PCDHGA7: variants seen among roughly 807,000 people sequenced by gnomAD.
The protein encoded by PCDHGA7 is protocadherin gamma subfamily A, 7.
Under a neutral mutation model 58.3 loss-of-function variants are expected in PCDHGA7, and 44 were observed. The observed-to-expected ratio is 0.75, with a 90% CI of 0.59 to 0.97. The LOEUF is 0.97. Among genes scored for constraint, PCDHGA7 ranks in the 50% least tolerant of loss-of-function variants. The pLI, the probability that PCDHGA7 is intolerant of heterozygous loss-of-function variation, is 0.00. For synonymous variants in PCDHGA7, 516 were observed against 504.2 expected, an observed-to-expected ratio of 1.02 and a Z score of -0.31; for missense variants, 1,266 against 1,188.7, an observed-to-expected ratio of 1.06 and a Z score of -0.96.
Position 141,490,089 on chromosome 5 carries a change from C to G in PCDHGA7, c.2425-4718C>G. On this transcript the variant is annotated intron_variant, in intron 1 of 3. Transcript: ENST00000518325. This position sits in a 1 kb window ranked among gnomAD's most constrained non-coding sequence, Gnocchi z 5.4. ...GCCAACTAGACTATTCTTTTGGAGACCACACATCTGAGGCAGTGCGGAACC... is the reference window on the plus strand; with the variant it reads ...GCCAACTAGACTATTCTTTTGGAGAGCACACATCTGAGGCAGTGCGGAACC... 1 of 1,614,232 alleles carries G rather than the reference C, an allele frequency of 6.2e-7. No homozygotes were observed. The highest frequency in any genetic ancestry group is 8.5e-7 in the Non-Finnish European group (1 of 1,180,026).
At position 141,414,031 on chromosome 5, in the gene PCDHGA7, C is replaced by G. The variant is rs900884760; in HGVS notation, c.2424+28708C>G. The G allele has an allele frequency of 1.2e-6, 2 of 1,611,740 alleles. No homozygotes were observed. The highest frequency in any genetic ancestry group is 2.7e-5 in the African/African-American group (2 of 74,762). On this transcript the variant is annotated intron_variant, in intron 1 of 3. Coordinates refer to ENST00000518325, the MANE Select transcript of PCDHGA7 (RefSeq NM_018920.4). ...CAATGGAGAAGTGACATATTCATTC[C>G]GAAAATTACCTGACACGCAATTGTT... is the stretch of plus-strand genomic sequence containing the variant.
intron 1 of PCDHGA7, among the ~76,000 whole-genome samples, chr5:141,445,953 T>C (rs550111391): frequency 2.0e-4 from 31 of 152,308 alleles, no homozygotes; most frequent in Middle Eastern, 3.4e-3. Flanking sequence ...CTCTGGCTGC[T>C]ATATGGAGAA....
chr5:141,392,570 AG>A (rs1561637414), intron 1 of PCDHGA7: 1 of 443,018 alleles, frequency 2.3e-6, no homozygotes, highest in East Asian at 3.6e-5. Context: ...GTAACTATTT[AG>A]GACTGTAAGC....
chr5:141,409,670 T>C lies in PCDHGA7; in HGVS notation c.2424+24347T>C, dbSNP rs2095300697. 1.9e-6 allele frequency: 3 copies of C among 1,613,486 alleles called. No homozygotes were observed. In the East Asian group the frequency reaches 6.7e-5, roughly 36 times the overall value. ...GGGGCTCAATGGCCACATCTCCTACTCTATAGTGGCGAGTGACCTAGAGCC... is the reference window on the plus strand; with the variant it reads ...GGGGCTCAATGGCCACATCTCCTACCCTATAGTGGCGAGTGACCTAGAGCC... On this transcript the variant is annotated intron_variant, in intron 1 of 3. Transcript: ENST00000518325.
intron 1 of PCDHGA7, chr5:141,404,230 C>T: frequency 6.2e-7 from 1 of 1,613,836 alleles, no homozygotes; most frequent in Non-Finnish European, 8.5e-7. Context: ...CTGCAACAGA[C>T]AGAGGAACTC....
In PCDHGA7 at chr5:141,383,563, C is replaced by A; in HGVS notation, c.664C>A (p.Arg222=). Residue 222 remains arginine, a synonymous_variant, in exon 1 of 4, where the codon CGA becomes AGA. Transcript: ENST00000518325. Reference sequence around the variant, plus strand: ...AGCCTCTGATGGCGGCGACCCGCCCCGATCCAGCACCGCCCACATCCAGGT... The same window carrying A: ...AGCCTCTGATGGCGGCGACCCGCCCAGATCCAGCACCGCCCACATCCAGGT... ...LTASDGGDPP[R]SSTAHIQVTV... is the part of the protein sequence containing the mutation. 2 of 1,613,150 alleles carry A rather than the reference C, an allele frequency of 1.2e-6. No homozygotes were observed. The highest frequency in any genetic ancestry group is 1.7e-6 in the Non-Finnish European group (2 of 1,179,666).
At position 141,423,009 on chromosome 5, in the gene PCDHGA7, G is replaced by A. The variant is rs371209178; in HGVS notation, c.2424+37686G>A. 28 of 1,614,222 alleles carry A rather than the reference G, an allele frequency of 1.7e-5. No individual in the cohort carries two copies. The East Asian group carries it at 4.9e-4, about 28-fold the overall frequency. On this transcript the variant is annotated intron_variant, in intron 1 of 3. Transcript: ENST00000518325. ...GCTACCTGGTGACCAAGGTGGTTGC[G>A]GTGGACAAAGATTCAGGCCAGAACG...
intron 1 of PCDHGA7, chr5:141,428,269 C>T (rs1326212294): frequency 1.3e-6 from 1 of 777,738 alleles, no homozygotes; most frequent in Non-Finnish European, 2.2e-6. Flanking sequence ...CAGTCCTGTG[C>T]CCTCTGATTC....
chr5:141,427,220 T>G (rs1487350481), intron 1 of PCDHGA7: 1 of 456,710 alleles, frequency 2.2e-6, no homozygotes, highest in East Asian at 6.9e-5. Flanking sequence ...TTCGTAGCAG[T>G]TATACCATGA....
intron 1 of PCDHGA7, chr5:141,409,468 C>T (rs1256188577): frequency 1.9e-6 from 3 of 1,613,948 alleles, no homozygotes; most frequent in Admixed American, 1.7e-5. Flanking sequence ...ATGTCACCAT[C>T]GTAGCCACTG....
Position 141,476,416 on chromosome 5 carries a change from A to G in PCDHGA7, c.2425-18391A>G. On this transcript the variant is annotated intron_variant, in intron 1 of 3. Coordinates refer to ENST00000518325, the MANE Select transcript of PCDHGA7 (RefSeq NM_018920.4). The surrounding 1 kb of genome is among the most constrained non-coding windows in gnomAD (Gnocchi z 7.6). ...TGGATCGAGAGGAGCTGTGTGGGAC[A>G]CTGCCCTCTTGCACTGTAACTCTGG... 1 of 1,614,056 alleles carries G rather than the reference A, an allele frequency of 6.2e-7. No individual in the cohort carries two copies. The highest frequency in any genetic ancestry group is 8.5e-7 in the Non-Finnish European group (1 of 1,179,994).
intron 1 of PCDHGA7, among the ~76,000 whole-genome samples, chr5:141,457,931 T>G (rs1335457669): frequency 6.6e-6 from 1 of 152,184 alleles, no homozygotes; most frequent in Non-Finnish European, 1.5e-5. Context: ...CCAAGGGGCT[T>G]TTATTGGCTC....
chr5:141,419,243 C>T (rs959206942), intron 1 of PCDHGA7: 2 of 1,613,998 alleles, frequency 1.2e-6, no homozygotes, highest in East Asian at 4.5e-5. Flanking sequence ...GGTCCACGTG[C>T]CAGAAAACAA....
At chr5:141,415,002 C>T in intron 1 of PCDHGA7, 2 of 1,613,668 alleles carry the variant, frequency 1.2e-6, no homozygotes, top group East Asian at 2.2e-5. Flanking sequence ...CCTGGCTGTC[C>T]TACCGTCTGC....
chr5:141,398,107 A>C, intron 1 of PCDHGA7: 1 of 1,595,524 alleles, frequency 6.3e-7, no homozygotes, highest in Non-Finnish European at 8.5e-7. Flanking sequence ...GCTGGTGAGC[A>C]AGCTGAGGAG....
Position 141,384,011 on chromosome 5 carries a change from T to C in PCDHGA7, c.1112T>C (p.Leu371Pro). The part of the protein sequence containing the change: ...PLGTVIALFY[L>P]QDRDSGKNGE... ...GGGACAGTCATTGCTCTTTTCTACC[T>C]ACAAGACAGAGATTCTGGAAAGAAT... is the stretch of plus-strand genomic sequence containing the variant. Residue 371 changes from leucine (L) to proline (P), a missense_variant, in exon 1 of 4, where the codon CTA becomes CCA. Physicochemically the swap from Leu to Pro is moderately conservative, Grantham distance 98 (BLOSUM62 -3). Coordinates refer to ENST00000518325, the MANE Select transcript of PCDHGA7 (RefSeq NM_018920.4). 1 of 1,613,766 alleles carries C rather than the reference T, an allele frequency of 6.2e-7. No individual in the cohort carries two copies. The highest frequency in any genetic ancestry group is 8.5e-7 in the Non-Finnish European group (1 of 1,179,780).
chr5:141,409,546 C>T lies in PCDHGA7; in HGVS notation c.2424+24223C>T, dbSNP rs775680397. 19 of 1,613,880 alleles carry T rather than the reference C, an allele frequency of 1.2e-5. No individual in the cohort carries two copies. The South Asian group carries it at 2.0e-4, about 17-fold the overall frequency. ...TGTATGTCGCTGACATCAACGACAA[C>T]GCCCCAGTTTTCGACCAGACGTCCT... On this transcript the variant is annotated intron_variant, in intron 1 of 3. Coordinates refer to ENST00000518325, the MANE Select transcript of PCDHGA7 (RefSeq NM_018920.4).
intron 1 of PCDHGA7, chr5:141,421,399 C>G: frequency 4.3e-6 from 7 of 1,614,046 alleles, no homozygotes; most frequent in Non-Finnish European, 5.1e-6. Context: ...GCTGGAGCCC[C>G]GGGAGCTGGC....
intron 1 of PCDHGA7, among the ~76,000 whole-genome samples, chr5:141,429,706 T>G (rs191069331): frequency 7.6e-4 from 116 of 152,354 alleles, no homozygotes; most frequent in African/African-American, 2.5e-3. Flanking sequence ...ACAGTATAAA[T>G]ATTTACGCTC....
Sources: gnomAD v4.1 joint callset for allele counts (sites outside exome capture counted in the v4.1 genomes callset) on GRCh38, gnomAD v4.1.1 for gene constraint, Gnocchi (gnomAD v3.1) non-coding constraint, MANE v1.5 for transcripts, NCBI Gene and HGNC (gene_info 2026-07-23, HGNC 2026-07-21) for gene names.